UBQLN1: variants seen among roughly 807,000 people sequenced by gnomAD.
The protein encoded by UBQLN1 is ubiquilin 1.
Under a neutral mutation model 65.4 loss-of-function variants are expected in UBQLN1, and 13 were observed. The observed-to-expected ratio is 0.20, with a 90% confidence interval of 0.13 to 0.32. The LOEUF is 0.32. Ranked by LOEUF, UBQLN1 falls within the 10% of genes least tolerant of loss-of-function variation. The probability of loss-of-function intolerance (pLI) is 1.00; values close to 1 mark genes in which losing one functional copy is unlikely to be tolerated. For missense variants in UBQLN1, 561 were observed against 724.0 expected (o/e 0.77, Z 2.58); for synonymous variants, 267 against 247.8 (o/e 1.08, Z -0.73).
rs986425434 is a variant in UBQLN1 at position 83,686,215 on chromosome 9, T to C, written c.181-60A>G. On this transcript the variant is annotated intron_variant, in intron 1 of 10. Coordinates refer to ENST00000376395, the MANE Select transcript of UBQLN1 (RefSeq NM_013438.5). ...GTTTGCACAGCACCATACAGTCTAGTTTCTACAGGTACCTCATAGAGGCCC... is the reference window on the plus strand; with the variant it reads ...GTTTGCACAGCACCATACAGTCTAGCTTCTACAGGTACCTCATAGAGGCCC... 3.4e-6 allele frequency: 4 copies of C among 1,163,460 alleles called. No individual in the cohort carries two copies. In the Admixed American group the frequency reaches 1.3e-4, roughly 38 times the overall value. The allele number at this position is 1,163,460 out of a possible 1,614,324, so 72.1% of individuals were successfully genotyped here. A position where few individuals can be genotyped will look rare whatever the true frequency, so the allele number is the denominator to read the frequency against.
At chr9:83,690,327 G>A (rs1306413665) in intron 1 of UBQLN1, among the ~76,000 whole-genome samples, 1 of 152,070 alleles carries the variant, frequency 6.6e-6, no homozygotes, top group Non-Finnish European at 1.5e-5. Context: ...AGTCACAAAT[G>A]AATATAAATT....
intron 9 of UBQLN1, 49 bp downstream of exon 9, chr9:83,664,979 CAG>C (rs746682367): frequency 7.5e-6 from 7 of 937,344 alleles, no homozygotes; most frequent in Non-Finnish European, 3.2e-6. Flanking sequence ...CTGAAATTCT[CAG>C]AGAAAGTAAC....
rs1831865127 is a variant in UBQLN1 at position 83,677,882 on chromosome 9, C to G, written c.950G>C (p.Arg317Thr). ...EGSQPSRTEN[R>T]DPLPNPWAPQ... ...AGCCCATGGATTGGGTAGTGGATCT[C>G]TATTTTCTGTACGGGAAGGTTGACT... Residue 317 changes from arginine to threonine, a missense_variant, in exon 6 of 11, where the codon AGA becomes ACA. Arg to Thr is a moderately conservative substitution (Grantham distance 71). Coordinates refer to ENST00000376395, the MANE Select transcript of UBQLN1 (RefSeq NM_013438.5). The G allele has an allele frequency of 6.2e-7, 1 of 1,614,012 alleles. No homozygotes were observed. Among genetic ancestry groups the G allele is most frequent in the African/African-American group, 1.3e-5 (1 of 74,896 alleles).
intron 10 of UBQLN1, 136 bp from the exon 11 acceptor site, chr9:83,662,075 A>AAACTTATCCAACATATTT: frequency 1.5e-6 from 1 of 682,262 alleles, no homozygotes; most frequent in Non-Finnish European, 2.3e-6. Context: ...CCACCTCTTG[A>AAACTTATCCAACATATTT]AACTTATCCA....
At chr9:83,667,835 C>A in intron 7 of UBQLN1, 1 of 972,684 alleles carries the variant, frequency 1.0e-6, no homozygotes, top group African/African-American at 1.8e-5. Flanking sequence ...AAATTTTAAT[C>A]TGCAGATAAC....
chr9:83,663,746 T>G, intron 10 of UBQLN1, 129 bp downstream of exon 10: 1 of 1,018,718 alleles, frequency 9.8e-7, no homozygotes, highest in Non-Finnish European at 1.4e-6. Context: ...TCCTTAAGAC[T>G]GTATTTTTCA....
chr9:83,680,081 A>C, intron 3 of UBQLN1, 44 bp from the exon 4 acceptor site: 1 of 1,556,392 alleles, frequency 6.4e-7, no homozygotes, highest in Non-Finnish European at 8.7e-7. Context: ...AAGTCAGAAA[A>C]TTTATCATTA....
chr9:83,682,989 G>C lies in UBQLN1; in HGVS notation c.410C>G (p.Ser137Cys), dbSNP rs757823114. 5.6e-6 allele frequency: 9 copies of C among 1,612,192 alleles called. No homozygotes were observed. Among genetic ancestry groups the C allele is most frequent in the African/African-American group, 1.3e-5 (1 of 74,858 alleles). Residue 137 changes from serine to cysteine, a missense_variant, in exon 3 of 11, where the codon TCT becomes TGT. Transcript: ENST00000376395. ...VTTSSTPNSN[S>C]TSGSATSNPF... ...GTTGCTAGTAGCAGAACCAGATGTA[G>C]AGTTACTATTAGGAGTTGATGATGT...
chr9:83,674,090 T>G (rs182179163), intron 6 of UBQLN1, among the ~76,000 whole-genome samples: 59 of 152,154 alleles, frequency 3.9e-4, no homozygotes, highest in Non-Finnish European at 7.4e-4. Context: ...TGAGCCACCA[T>G]GCCACACCTG....
intron 1 of UBQLN1, among the ~76,000 whole-genome samples, chr9:83,705,453 T>C (rs567777416): frequency 2.0e-5 from 3 of 152,306 alleles, no homozygotes; most frequent in East Asian, 1.9e-4. Flanking sequence ...TTTCACCCCG[T>C]TGGCCAGGCT....
intron 7 of UBQLN1, chr9:83,668,926 C>A (rs1425423695): frequency 1.8e-5 from 7 of 378,458 alleles, no homozygotes; most frequent in Non-Finnish European, 2.7e-5. Flanking sequence ...TGTCTCCTAA[C>A]TCAACATATG....
intron 1 of UBQLN1, among the ~76,000 whole-genome samples, chr9:83,693,745 C>A (rs981987655): frequency 1.3e-5 from 2 of 152,056 alleles, no homozygotes; most frequent in East Asian, 3.9e-4. Context: ...ATAAGACACA[C>A]ATATGGAGGA....
At chr9:83,673,269 T>G (rs1831765036) in intron 6 of UBQLN1, among the ~76,000 whole-genome samples, 2 of 150,954 alleles carry the variant, frequency 1.3e-5, no homozygotes, top group African/African-American at 4.9e-5. Flanking sequence ...TCGGGTGCAG[T>G]GACTTACACC....
At chr9:83,669,069 T>C in intron 7 of UBQLN1, 116 bp downstream of exon 7, 2 of 1,210,708 alleles carry the variant, frequency 1.7e-6, no homozygotes, top group Non-Finnish European at 2.2e-6. Context: ...AGTTTACTTA[T>C]TTTTCTAGTG....
chr9:83,665,213 TTC>T (rs1404570794), intron 8 of UBQLN1, 68 bp from the exon 9 acceptor site: 8 of 1,183,486 alleles, frequency 6.8e-6, no homozygotes, highest in African/African-American at 6.1e-5. Flanking sequence ...TTTAAATCTT[TTC>T]TCTGTTATGC....
chr9:83,679,712 A>C, intron 4 of UBQLN1, 63 bp downstream of exon 4: 1 of 1,546,978 alleles, frequency 6.5e-7, no homozygotes, highest in African/African-American at 1.4e-5. Flanking sequence ...CATTAACCAC[A>C]GAAAATTAAA....
intron 1 of UBQLN1, among the ~76,000 whole-genome samples, chr9:83,699,682 A>T (rs1346517597): frequency 6.6e-6 from 1 of 152,188 alleles, no homozygotes; most frequent in Non-Finnish European, 1.5e-5. Context: ...CATGGTAAAA[A>T]TTTCCAATGA....
chr9:83,662,161 C>T (rs558824801), intron 10 of UBQLN1, among the ~76,000 whole-genome samples: 3 of 152,042 alleles, frequency 2.0e-5, no homozygotes, highest in Non-Finnish European at 2.9e-5. Context: ...AAATAGATCA[C>T]GACTCTACTT....
At chr9:83,671,453 G>A (rs1025883147) in intron 6 of UBQLN1, among the ~76,000 whole-genome samples, 1 of 151,988 alleles carries the variant, frequency 6.6e-6, no homozygotes, top group East Asian at 1.9e-4. Flanking sequence ...TTGATCCATG[G>A]GCTGCATGCA....
Sources: gnomAD v4.1 joint callset for allele counts (sites outside exome capture counted in the v4.1 genomes callset) on GRCh38, gnomAD v4.1.1 for gene constraint, MANE v1.5 for transcripts, NCBI Gene and HGNC (gene_info 2026-07-23, HGNC 2026-07-21) for gene names.